AKAP13: variants seen among roughly 807,000 people sequenced by gnomAD.
The protein encoded by AKAP13 is A-kinase anchor protein 13.
In AKAP13, 80 loss-of-function variants were observed where a neutral mutation model predicts 264.5. The ratio of observed to expected loss-of-function variants is 0.30; its 90% CI spans 0.25 to 0.36. The LOEUF is 0.36. AKAP13 is among the 10% of genes least tolerant of loss of function. The pLI, the probability that AKAP13 is intolerant of heterozygous loss-of-function variation, is 1.00. For synonymous variants in AKAP13, 1,380 were observed against 1,250.2 expected, an observed-to-expected ratio of 1.10 and a Z score of -2.19; for missense variants, 3,712 against 3,435.2, an observed-to-expected ratio of 1.08 and a Z score of -2.01.
rs372827956 is a variant in AKAP13 at position 85,633,157 on chromosome 15, C to T, written c.4162-6217C>T. ...CTGGGATTACAGGCATGTGCCACCG[C>T]GCCCGGCAGAAATAGAATTTTAATA... On this transcript the variant is annotated intron_variant, in intron 8 of 36. Transcript: ENST00000394518. Among the ~76,000 whole-genome samples the T allele has an allele frequency of 7.9e-5, 12 of 152,278 alleles. No homozygotes were observed. The South Asian group carries it at 1.9e-3, about 24-fold the overall frequency.
At chr15:85,619,632 C>T (rs572064127) in intron 8 of AKAP13, 171 of 986,212 alleles carry the variant, frequency 1.7e-4, no homozygotes, top group Non-Finnish European at 2.0e-4. Context: ...TTCTTTCTCT[C>T]CCTCTTCCTG....
At chr15:85,635,651 T>A (rs2082039997) in intron 8 of AKAP13, among the ~76,000 whole-genome samples, 1 of 152,146 alleles carries the variant, frequency 6.6e-6, no homozygotes, top group Non-Finnish European at 1.5e-5. Context: ...CATAAAAGTG[T>A]TTCCCTCTGT....
intron 8 of AKAP13, among the ~76,000 whole-genome samples, chr15:85,613,776 G>A (rs2080816034): frequency 6.7e-6 from 1 of 149,072 alleles, no homozygotes; most frequent in African/African-American, 2.5e-5. Context: ...TTAATTCTGG[G>A]TTCCATCATT....
chr15:85,639,428 C>T lies in AKAP13; in HGVS notation c.4216C>T (p.Leu1406=), dbSNP rs750256860. 5.8e-5 allele frequency: 94 copies of T among 1,613,124 alleles called. No homozygotes were observed. In the South Asian group the frequency reaches 1.0e-3, roughly 17 times the overall value. ...IEPCPDAASL[L]ASKQSPECEN... ...GCCATGCCCTGATGCAGCATCTCTT[C>T]TGGCTTCCAAGCAGAGCCCAGGTAA... The change falls in exon 9 of 37, where the codon CTG becomes TTG. Residue 1406 remains leucine, a synonymous_variant. Coordinates refer to ENST00000394518, the MANE Select transcript of AKAP13 (RefSeq NM_007200.5).
chr15:85,656,393 C>T (rs1294324044), intron 11 of AKAP13, among the ~76,000 whole-genome samples: 2 of 152,010 alleles, frequency 1.3e-5, no homozygotes, highest in African/African-American at 2.4e-5. Context: ...TAAGTGTGAC[C>T]CAGTATCAGT....
chr15:85,569,455 T>TC (rs34343084), intron 5 of AKAP13, among the ~76,000 whole-genome samples: 28,358 of 147,576 alleles, frequency 0.19, 3,053 homozygotes, highest in South Asian at 0.34. Flanking sequence ...TCTTTTCTTT[T>TC]TTTTTTTTTT....
intron 12 of AKAP13, 111 bp downstream of exon 12, chr15:85,658,701 C>T (rs2083208633): frequency 2.4e-6 from 2 of 838,532 alleles, no homozygotes; most frequent in Non-Finnish European, 3.5e-6. Flanking sequence ...AAGTAATGTC[C>T]CATCTAATTC....
At chr15:85,383,184 C>T (rs1185773456) in intron 1 of AKAP13, among the ~76,000 whole-genome samples, 1 of 152,110 alleles carries the variant, frequency 6.6e-6, no homozygotes, top group Non-Finnish European at 1.5e-5. Context: ...TGAGCCACTC[C>T]ACCCAGCCAG....
At chr15:85,407,647 T>G (rs1180684930) in intron 1 of AKAP13, among the ~76,000 whole-genome samples, 1 of 151,748 alleles carries the variant, frequency 6.6e-6, no homozygotes, top group Non-Finnish European at 1.5e-5. Context: ...GAAACAGACG[T>G]CAAAGAGCTT....
rs1190426738 is a variant in AKAP13, at chr15:85,580,079, A to G, written c.2011A>G (p.Thr671Ala). 1.2e-6 allele frequency: 2 copies of G among 1,614,244 alleles called. No homozygotes were observed. The highest frequency in any genetic ancestry group is 1.7e-5 in the Admixed American group (1 of 60,026). Residue 671 changes from threonine to alanine, a missense_variant, in exon 7 of 37, where the codon ACA becomes GCA. By Grantham distance (58) the Thr-to-Ala change is moderately conservative. This residue lies in a region of AKAP13 where 2,759 missense variants were observed against 2,411.7 expected (regional missense o/e 1.14). Coordinates refer to ENST00000394518, the MANE Select transcript of AKAP13 (RefSeq NM_007200.5). The stretch of plus-strand genomic sequence containing the variant: ...TGCAGACTCTGCATGTCAACAGAAC[A>G]CAGTGACTTCTAGTGGCGATTTGGT... ...LCADSACQQN[T>A]VTSSGDLVAK...
intron 5 of AKAP13, among the ~76,000 whole-genome samples, chr15:85,570,942 A>C (rs1245356809): frequency 6.6e-6 from 1 of 151,914 alleles, no homozygotes; most frequent in Non-Finnish European, 1.5e-5. Flanking sequence ...GGGTGGGGAA[A>C]TGCATTGTTG....
chr15:85,693,024 A>G, intron 16 of AKAP13: 1 of 438,708 alleles, frequency 2.3e-6, no homozygotes, highest in Non-Finnish European at 3.9e-6. Flanking sequence ...CTGTTGGTAG[A>G]AGTAACCAAT....
chr15:85,522,498 G>A (rs1463815190), intron 3 of AKAP13, among the ~76,000 whole-genome samples: 5 of 152,036 alleles, frequency 3.3e-5, no homozygotes. Context: ...GCCTTTACTG[G>A]TAAGGTCCTT....
At chr15:85,732,432 A>G (rs1483187951) in intron 30 of AKAP13, among the ~76,000 whole-genome samples, 1 of 140,794 alleles carries the variant, frequency 7.1e-6, no homozygotes. Flanking sequence ...AAACATATAT[A>G]TAACATTATA....
chr15:85,722,608 T>G (rs2087358405), intron 25 of AKAP13, among the ~76,000 whole-genome samples: 1 of 152,228 alleles, frequency 6.6e-6, no homozygotes, highest in South Asian at 2.1e-4. Flanking sequence ...ATCACTAGGC[T>G]GGGAGATAAT....
At chr15:85,739,471 T>C (rs1383077875) in intron 33 of AKAP13, among the ~76,000 whole-genome samples, 1 of 152,218 alleles carries the variant, frequency 6.6e-6, no homozygotes, top group African/African-American at 2.4e-5. Context: ...GGGTATTTTT[T>C]TTGTCATAAT....
chr15:85,485,663 G>A (rs1022466492), intron 1 of AKAP13, 47 bp from the exon 2 acceptor site: 87 of 1,568,860 alleles, frequency 5.5e-5, no homozygotes, highest in Admixed American at 1.5e-4. Context: ...ATATATTTTC[G>A]GTGACAACTT....
At chr15:85,491,868 C>T (rs1451429495) in intron 2 of AKAP13, among the ~76,000 whole-genome samples, 2 of 152,152 alleles carry the variant, frequency 1.3e-5, no homozygotes, top group Admixed American at 1.3e-4. Flanking sequence ...AGCACATTTG[C>T]ATGCCTTACG....
intron 1 of AKAP13, among the ~76,000 whole-genome samples, chr15:85,401,204 A>G (rs2071406472): frequency 6.6e-6 from 1 of 152,152 alleles, no homozygotes; most frequent in Non-Finnish European, 1.5e-5. Flanking sequence ...TGATGGTTCT[A>G]TAATAAAGTC....
Sources: gnomAD v4.1 joint callset for allele counts (sites outside exome capture counted in the v4.1 genomes callset) on GRCh38, gnomAD v4.1.1 for gene constraint, gnomAD v4.1.1 regional missense constraint, MANE v1.5 for transcripts, NCBI Gene and HGNC (gene_info 2026-07-23, HGNC 2026-07-21) for gene names.